The following PLEC variants were observed in gnomAD, a reference collection of about 807,000 sequenced individuals.
PLEC encodes the protein plectin, also known as hemidesmosomal protein 1.
Under a neutral mutation model 392.8 loss-of-function variants are expected in PLEC, and 216 were observed. The ratio of observed to expected loss-of-function variants is 0.55; its 90% CI spans 0.49 to 0.62. PLEC has a LOEUF of 0.62. PLEC is among the 20% of genes least tolerant of loss of function. The pLI is 0.00. For synonymous variants in PLEC, 3,621 were observed against 2,980.6 expected (o/e 1.21, Z -7.00); for missense variants, 6,863 against 6,563.4 (o/e 1.05, Z -1.58).
chr8:143,920,456 T>C lies in PLEC; in HGVS notation c.9365A>G (p.Lys3122Arg). The part of the protein sequence containing the change: ...QSVSLFQALK[K>R]GLIPREQGLR... ...GCCCTGCTCCCGGGGAATGAGGCCCTTCTTCAGGGCCTGGAACAGGGAGAC... is the reference window on the plus strand; with the variant it reads ...GCCCTGCTCCCGGGGAATGAGGCCCCTCTTCAGGGCCTGGAACAGGGAGAC... The change falls in exon 32 of 32, where the codon AAG (lysine) becomes AGG (arginine). Residue 3122 changes from lysine to arginine, a missense_variant. Physicochemically the swap from Lys to Arg is conservative, Grantham distance 26. Coordinates refer to ENST00000345136, the MANE Select transcript of PLEC (RefSeq NM_201384.3). The C allele has an allele frequency of 6.2e-7, 1 of 1,601,716 alleles. No individual in the cohort carries two copies. Among genetic ancestry groups the C allele is most frequent in the Non-Finnish European group, 8.5e-7 (1 of 1,175,026 alleles).
Position 143,918,378 on chromosome 8 carries a change from C to A in PLEC, c.11443G>T (p.Gly3815Cys), listed in dbSNP as rs200927137. 6.4e-7 allele frequency: 1 copy of A among 1,567,694 alleles called. No homozygotes were observed. The highest frequency in any genetic ancestry group is 1.1e-5 in the South Asian group (1 of 87,422). The change falls in exon 32 of 32, where the codon GGC (glycine) becomes TGC (cysteine). Residue 3815 changes from glycine (G) to cysteine (C), a missense_variant. Physicochemically the swap from Gly to Cys is radical, Grantham distance 159. Transcript: ENST00000345136. ...ATGGIVDPRL[G>C]FHLPLEVAYQ... The stretch of plus-strand genomic sequence containing the variant: ...GCCACCTCCAGGGGAAGGTGGAAGC[C>A]CAGGCGGGGGTCCACGATGCCGCCG...
At chr8:143,976,437 G>T (rs1554746045), upstream of PLEC, among the ~76,000 whole-genome samples, 1 of 152,072 alleles carries the variant, frequency 6.6e-6, no homozygotes, top group East Asian at 1.9e-4. Context: ...TTCTCCACGG[G>T]CCGCCCCGGT....
Position 143,923,393 on chromosome 8 carries a change from C to A in PLEC, c.6536G>T (p.Arg2179Leu), listed in dbSNP as rs117962829. Reference sequence around the variant, plus strand: ...CTCCTGCTCCACCTGCGCCTTCTGCCGCAGCGTCTGCTCGGCGAATTTCTT... The same window carrying A: ...CTCCTGCTCCACCTGCGCCTTCTGCAGCAGCGTCTGCTCGGCGAATTTCTT... ...KHKKFAEQTL[R>L]QKAQVEQELT... The change falls in exon 31 of 32, where the codon CGG becomes CTG. Residue 2179 changes from arginine (R) to leucine (L), a missense_variant. Coordinates refer to ENST00000345136, the MANE Select transcript of PLEC (RefSeq NM_201384.3). 6.2e-7 allele frequency: 1 copy of A among 1,610,650 alleles called. No individual in the cohort carries two copies. Among genetic ancestry groups the A allele is most frequent in the East Asian group, 2.2e-5 (1 of 44,796 alleles).
At chr8:143,954,061 ACGGCCCACTCCCCAGCTCCGCAGCCCC>A (rs1195560814), upstream of PLEC, 5 of 590,664 alleles carry the variant, frequency 8.5e-6, no homozygotes, top group Non-Finnish European at 1.4e-5. The surrounding 1 kb of genome is among the most constrained non-coding windows in gnomAD (Gnocchi z 4.6). Context: ...GAGCGCTCGG[ACGGCCCACTCCCCAGCTCCGCAGCCCC>A]CGGCCCACCC....
rs1563961878 is a variant in PLEC, at chr8:143,919,621, G to C, written c.10200C>G (p.Asp3400Glu). The change falls in exon 32 of 32, where the codon GAC becomes GAG. Residue 3400 changes from aspartate (D) to glutamate (E), a missense_variant. Physicochemically the swap from Asp to Glu is conservative, Grantham distance 45 (BLOSUM62 2). Coordinates refer to ENST00000345136, the MANE Select transcript of PLEC (RefSeq NM_201384.3). ...CATACAGGCGCTGGTTCCGCACGGG[G>C]TCCACCAGGAAGCCAGTGGCCGCCT... ...EAQAATGFLV[D>E]PVRNQRLYVH... 6.3e-7 allele frequency: 1 copy of C among 1,585,454 alleles called. No homozygotes were observed. Among genetic ancestry groups the C allele is most frequent in the Non-Finnish European group, 8.6e-7 (1 of 1,168,660 alleles).
chr8:143,956,758 G>GGCTTAT (rs1832618113), upstream of PLEC, among the ~76,000 whole-genome samples: 2 of 152,220 alleles, frequency 1.3e-5, no homozygotes, highest in African/African-American at 4.8e-5. Flanking sequence ...TTATCGACAA[G>GGCTTAT]CTGCAGCAGC....
At chr8:143,967,311 C>T (rs1394524096) in intron 1 of PLEC, among the ~76,000 whole-genome samples, 3 of 138,198 alleles carry the variant, frequency 2.2e-5, no homozygotes, top group Admixed American at 1.6e-4. Flanking sequence ...TGCAGTGAGC[C>T]GAGATCGCGC....
intron 3 of PLEC, chr8:143,937,551 G>C: frequency 2.0e-6 from 1 of 507,164 alleles, no homozygotes; most frequent in Non-Finnish European, 3.6e-6. Context: ...CCTGCCTGGC[G>C]GTGGCAGCCA....
rs782072514 is a variant in PLEC at position 143,921,050 on chromosome 8, A to G, written c.8771T>C (p.Ile2924Thr). 23 of 1,612,260 alleles carry G rather than the reference A, an allele frequency of 1.4e-5. No individual in the cohort carries two copies. Among genetic ancestry groups the G allele is most frequent in the Non-Finnish European group, 1.1e-5 (13 of 1,180,022 alleles). Residue 2924 changes from isoleucine (I) to threonine (T), a missense_variant, in exon 32 of 32, where the codon ATT becomes ACT. By Grantham distance (89) the Ile-to-Thr change is moderately conservative. Coordinates refer to ENST00000345136, the MANE Select transcript of PLEC (RefSeq NM_201384.3). Reference sequence around the variant, plus strand: ...GTATTCCGAGTTGATGATCTCCCAAATGGTCACCGTCTTGCCCTGGAACTT... The same window carrying G: ...GTATTCCGAGTTGATGATCTCCCAAGTGGTCACCGTCTTGCCCTGGAACTT... The part of the protein sequence containing the change: ...FGKFQGKTVT[I>T]WEIINSEYFT...
Position 143,932,907 on chromosome 8 carries a change from G to A in PLEC, c.1623C>T (p.Gly541=), listed in dbSNP as rs782746381. ...TGGGCAGGTCCACACCCCACTCAGC[G>A]CCATCCACACGGTGCTGGTTCTCCT... ...WVEENQHRVD[G]AEWGVDLPSV... Residue 541 remains glycine, a synonymous_variant, in exon 14 of 32, where the codon GGC becomes GGT. Transcript: ENST00000345136. 30 of 1,612,416 alleles carry A rather than the reference G, an allele frequency of 1.9e-5. 1 individual carries two copies. Among genetic ancestry groups the A allele is most frequent in the Middle Eastern group, 3.3e-4 (2 of 6,082 alleles).
At chr8:143,943,820 C>A, upstream of PLEC, 2 of 1,612,420 alleles carry the variant, frequency 1.2e-6, no homozygotes, top group Non-Finnish European at 1.7e-6. Context: ...GCGCCAGTGC[C>A]ACACAGCGGC....
chr8:143,931,785 G>A, intron 18 of PLEC, 126 bp from the exon 19 acceptor site: 8 of 1,492,868 alleles, frequency 5.4e-6, no homozygotes, highest in Non-Finnish European at 7.3e-6. Context: ...GAGGCCTGGG[G>A]AGCACCCCTG....
Position 143,916,905 on chromosome 8 carries a change from T to C in PLEC, c.12916A>G (p.Ile4306Val). 2 of 1,612,828 alleles carry C rather than the reference T, an allele frequency of 1.2e-6. No individual in the cohort carries two copies. The highest frequency in any genetic ancestry group is 8.5e-7 in the Non-Finnish European group (1 of 1,179,900). The change falls in exon 32 of 32, where the codon ATC becomes GTC. Residue 4306 changes from isoleucine (I) to valine (V), a missense_variant. Coordinates refer to ENST00000345136, the MANE Select transcript of PLEC (RefSeq NM_201384.3). Reference protein sequence around the residue: ...EAMHRNLVDNITGQRLLEAQA... With the variant: ...EAMHRNLVDNVTGQRLLEAQA... ...GCCTCCAGCAGCCGCTGCCCCGTGATGTTATCCACCAGGTTCCGGTGCATG... is the reference window on the plus strand; with the variant it reads ...GCCTCCAGCAGCCGCTGCCCCGTGACGTTATCCACCAGGTTCCGGTGCATG...
intron 25 of PLEC, among the ~76,000 whole-genome samples, chr8:143,928,774 A>G (rs1330366044): frequency 3.3e-5 from 5 of 152,204 alleles, no homozygotes; most frequent in Non-Finnish European, 5.9e-5. Context: ...GACGAGAGGC[A>G]GGGTGCAGGA....
Position 143,925,391 on chromosome 8 carries a change from G to T in PLEC, c.4538C>A (p.Ala1513Glu). 1 of 1,580,472 alleles carries T rather than the reference G, an allele frequency of 6.3e-7. No individual in the cohort carries two copies. ...VQDESQRKRQAEVELASRVKA... is the reference protein window; with the variant it reads ...VQDESQRKRQEEVELASRVKA... ...CACGCGCGAGGCCAGCTCCACCTCC[G>T]CCTGCCGCTTACGCTGGCTCTCGTC... The change falls in exon 31 of 32, where the codon GCG (alanine) becomes GAG (glutamate). Residue 1513 changes from alanine (A) to glutamate (E), a missense_variant. Coordinates refer to ENST00000345136, the MANE Select transcript of PLEC (RefSeq NM_201384.3).
chr8:143,942,623 C>T (rs1830712247), upstream of PLEC: 1 of 1,257,068 alleles, frequency 8.0e-7, no homozygotes, highest in Non-Finnish European at 1.1e-6. Flanking sequence ...GCTTCGCTCT[C>T]CACCTCTTCC....
In PLEC at chr8:143,924,041, T is replaced by A; in HGVS notation, c.5888A>T (p.Glu1963Val). ...CCTCGCAGCCTCCAGCTCGGCCTGC[T>A]CCTTGCTGCGCAGCGTGTCCTCCGC... ...SNAEDTLRSK[E>V]QAELEAARQR... The change falls in exon 31 of 32, where the codon GAG (glutamate) becomes GTG (valine). Residue 1963 changes from glutamate to valine, a missense_variant. Coordinates refer to ENST00000345136, the MANE Select transcript of PLEC (RefSeq NM_201384.3). 6.3e-7 allele frequency: 1 copy of A among 1,595,662 alleles called. No individual in the cohort carries two copies. Among genetic ancestry groups the A allele is most frequent in the Non-Finnish European group, 8.5e-7 (1 of 1,178,110 alleles).
rs782402772 is a variant in PLEC, at chr8:143,933,989, C to G, written c.1263+9G>C. The G allele has an allele frequency of 2.5e-6, 4 of 1,606,050 alleles. No homozygotes were observed. The highest frequency in any genetic ancestry group is 1.1e-5 in the South Asian group (1 of 90,386). ...CCTCCCGCCCACTGCCTGCCCCACA[C>G]CCCCTCACCGACTGCAGCAGGGCGT... On this transcript the variant is annotated intron_variant, in intron 12 of 31. Transcript: ENST00000345136.
Position 143,924,985 on chromosome 8 carries a change from C to A in PLEC, c.4944G>T (p.Ala1648=). The stretch of plus-strand genomic sequence containing the variant: ...GGCTCTTCTGCTGCGCCACCTCCTC[C>A]GCCTGCAGCCGCAGCCGTAGCGCCT... ...ANEALRLRLQ[A]EEVAQQKSLA... The change falls in exon 31 of 32, where the codon GCG becomes GCT. Residue 1648 remains alanine (A), a synonymous_variant. Coordinates refer to ENST00000345136, the MANE Select transcript of PLEC (RefSeq NM_201384.3). 6.3e-7 allele frequency: 1 copy of A among 1,577,576 alleles called. No homozygotes were observed. The highest frequency in any genetic ancestry group is 1.3e-5 in the African/African-American group (1 of 74,468).
Sources: allele counts gnomAD v4.1 joint callset (sites outside exome capture counted in the v4.1 genomes callset), GRCh38; gene constraint gnomAD v4.1.1; non-coding constraint Gnocchi (gnomAD v3.1); transcripts MANE v1.5; gene names NCBI Gene and HGNC (gene_info 2026-07-23, HGNC 2026-07-21).